The following ZNF208 variants were observed in gnomAD, a reference collection of about 807,000 sequenced individuals.
The protein encoded by ZNF208 is zinc finger protein 208.
A neutral mutation model predicts 12.1 loss-of-function variants in ZNF208; 10 were observed. The observed-to-expected ratio is 0.83, with a 90% CI of 0.51 to 1.40. The LOEUF (loss-of-function observed/expected upper bound fraction) is 1.40, where lower values mean the gene tolerates loss of function less well. ZNF208 is among the 40% of genes most tolerant of loss of function. The probability of loss-of-function intolerance (pLI) is 0.00; values close to 1 mark genes in which losing one functional copy is unlikely to be tolerated. For missense variants in ZNF208, 1,652 were observed against 1,485.0 expected (o/e 1.11, Z -1.85); for synonymous variants, 497 against 488.4 (o/e 1.02, Z -0.23).
rs779505179 is a variant in ZNF208 at position 21,970,755 on chromosome 19, C to T, written c.*436G>A. 2 of 1,363,750 alleles carry T rather than the reference C, an allele frequency of 1.5e-6. No individual in the cohort carries two copies. The highest frequency in any genetic ancestry group is 2.1e-6 in the Non-Finnish European group (2 of 960,700). 84.5% of individuals were successfully genotyped at this position (1,363,750 alleles called of 1,614,324 possible). ...GGTTGGGAACTGTTTAAAAGCTTTG[C>T]CAAATTCTTCACATTTTTAGAATTT... On this transcript the variant is annotated 3_prime_UTR_variant, in exon 4 of 4. Transcript: ENST00000397126.
Position 21,974,409 on chromosome 19 carries a change from C to T in ZNF208, c.625G>A (p.Ala209Thr). The stretch of plus-strand genomic sequence containing the variant: ...GTAAGGGTTGAGGACCAGTTAAAAG[C>T]TTTGCCACCTTCTTCACATTTGTAG... ...NSYKCEEGGK[A>T]FNWSSTLTYY... The change falls in exon 4 of 4, where the codon GCT (alanine) becomes ACT (threonine). Residue 209 changes from alanine to threonine, a missense_variant. Physicochemically the swap from Ala to Thr is moderately conservative, Grantham distance 58. Around this residue, in one of 3 missense-constraint regions of ZNF208, gnomAD observed 410 missense variants for 378.2 expected, o/e 1.08. Coordinates refer to ENST00000397126, the MANE Select transcript of ZNF208 (RefSeq NM_007153.3). 1 of 1,613,836 alleles carries T rather than the reference C, an allele frequency of 6.2e-7. No individual in the cohort carries two copies. Among genetic ancestry groups the T allele is most frequent in the Non-Finnish European group, 8.5e-7 (1 of 1,179,822 alleles).
chr19:21,987,194 G>A, intron 3 of ZNF208, 22 bp downstream of exon 3: 2 of 1,603,194 alleles, frequency 1.2e-6, no homozygotes, highest in South Asian at 2.3e-5. Context: ...CATCCATGTT[G>A]TCTGTATTCA....
intron 1 of ZNF208, among the ~76,000 whole-genome samples, chr19:22,001,892 CAAAAAAAAAAAAAAAAAAAAA>C (rs58939967): frequency 1.3e-5 from 1 of 74,106 alleles, no homozygotes; most frequent in African/African-American, 4.7e-5. Context: ...GACTCCATCC[CAAAAAAAAAAAAAAAAAAAAA>C]AAAAAAAAGA....
chr19:21,989,789 A>T (rs906165555), intron 1 of ZNF208, among the ~76,000 whole-genome samples: 1 of 152,092 alleles, frequency 6.6e-6, no homozygotes, highest in African/African-American at 2.4e-5. Context: ...CTGGTGTGAG[A>T]TGGTATCTCA....
intron 4 of ZNF208, among the ~76,000 whole-genome samples, chr19:21,950,296 G>A (rs1317510701): frequency 6.6e-6 from 1 of 151,912 alleles, no homozygotes; most frequent in Non-Finnish European, 1.5e-5. Flanking sequence ...AGCATAGAAG[G>A]CCCTAAAATA....
chr19:21,946,869 G>C (rs1285714175), intron 4 of ZNF208, among the ~76,000 whole-genome samples: 1 of 152,088 alleles, frequency 6.6e-6, no homozygotes, highest in Non-Finnish European at 1.5e-5. Flanking sequence ...CTATACCTCA[G>C]TGTTACCTAA....
In ZNF208 at chr19:21,969,944, C is replaced by T. The variant is rs1028559484; in HGVS notation, c.*1247G>A. Among the ~76,000 whole-genome samples the T allele has an allele frequency of 6.6e-6, 1 of 152,078 alleles. No homozygotes were observed. The highest frequency in any genetic ancestry group is 2.4e-5 in the African/African-American group (1 of 41,410). On this transcript the variant is annotated 3_prime_UTR_variant, in exon 4 of 4. Coordinates refer to ENST00000397126, the MANE Select transcript of ZNF208 (RefSeq NM_007153.3). ...TTCCAGACAGTCTCTCTCTGTTGCC[C>T]AGGCTAGTGTAAATGCTTTCCTTTG...
chr19:21,976,583 A>G (rs1970434301), intron 3 of ZNF208, among the ~76,000 whole-genome samples: 1 of 152,194 alleles, frequency 6.6e-6, no homozygotes, highest in South Asian at 2.1e-4. Flanking sequence ...CTTTTGAGAC[A>G]AAGTTTTACT....
At chr19:21,950,304 A>T (rs1385204260) in intron 4 of ZNF208, among the ~76,000 whole-genome samples, 3 of 152,136 alleles carry the variant, frequency 2.0e-5, no homozygotes, top group Non-Finnish European at 4.4e-5. Context: ...AGGCCCTAAA[A>T]TAACCTCTGG....
At position 21,969,284 on chromosome 19, in the gene ZNF208, A is replaced by C. The variant is rs998828888; in HGVS notation, c.*1907T>G. Among the ~76,000 whole-genome samples, 1 of 152,152 alleles carries C rather than the reference A, an allele frequency of 6.6e-6. No individual in the cohort carries two copies. The highest frequency in any genetic ancestry group is 1.5e-5 in the Non-Finnish European group (1 of 68,012). On this transcript the variant is annotated 3_prime_UTR_variant, in exon 4 of 4. Coordinates refer to ENST00000397126, the MANE Select transcript of ZNF208 (RefSeq NM_007153.3). ...AGTAAGCCAATGTGTCTGGAAAAAA[A>C]AAAAATCTGTGTTTTGAAGAAAAAA...
chr19:21,952,364 C>A (rs533934022), intron 4 of ZNF208, among the ~76,000 whole-genome samples: 1 of 152,358 alleles, frequency 6.6e-6, no homozygotes, highest in African/African-American at 2.4e-5. Flanking sequence ...ATCCCTGACC[C>A]CCATGTAGCC....
chr19:22,001,884 C>G (rs148680320), intron 1 of ZNF208, among the ~76,000 whole-genome samples: 2,360 of 50,522 alleles, frequency 0.047, 93 homozygotes, highest in African/African-American at 0.13. Context: ...CACAGTGAGA[C>G]TCCATCCCAA....
chr19:21,993,746 AAAACAC>A (rs147493093), intron 1 of ZNF208, among the ~76,000 whole-genome samples: 22,043 of 152,130 alleles, frequency 0.14, 1,727 homozygotes, highest in Admixed American at 0.22. Context: ...CACTCTTGTC[AAAACAC>A]AAATACTTCT....
chr19:21,970,634 T>C lies in ZNF208; in HGVS notation c.*557A>G. ...GGCTTCTCACCAGTATGAATTCTCT[T>C]ATGTTCCATAAGGTTTGAGGACTGG... On this transcript the variant is annotated 3_prime_UTR_variant, in exon 4 of 4. Coordinates refer to ENST00000397126, the MANE Select transcript of ZNF208 (RefSeq NM_007153.3). The C allele has an allele frequency of 1.0e-6, 1 of 988,968 alleles. No homozygotes were observed. The highest frequency in any genetic ancestry group is 1.6e-6 in the Non-Finnish European group (1 of 634,674). The allele number at this position is 988,968 out of a possible 1,614,324, so 61.3% of individuals were successfully genotyped here.
intron 1 of ZNF208, among the ~76,000 whole-genome samples, chr19:22,003,974 G>T (rs1971000578): frequency 6.6e-6 from 1 of 151,850 alleles, no homozygotes; most frequent in African/African-American, 2.4e-5. Context: ...TTTGAGACAG[G>T]CATGGACAAC....
At chr19:21,960,943 TATG>T (rs1458083896) in intron 4 of ZNF208, among the ~76,000 whole-genome samples, 1 of 152,110 alleles carries the variant, frequency 6.6e-6, no homozygotes, top group Non-Finnish European at 1.5e-5. Flanking sequence ...TGAAGACCTT[TATG>T]ATGATCTACT....
In ZNF208 at chr19:21,987,218, G is replaced by A. The variant is rs1970642274; in HGVS notation, c.224C>T (p.Pro75Leu). The change falls in exon 3 of 4, where the codon CCA becomes CTA. Residue 75 changes from proline (P) to leucine (L), a missense_variant and splice_region_variant. By Grantham distance (98) the Pro-to-Leu change is moderately conservative (BLOSUM62 -3). Coordinates refer to ENST00000397126, the MANE Select transcript of ZNF208 (RefSeq NM_007153.3). ...MKRHEMVEES[P>L]VICSHFAQDL... ...TGTCTGTATTCACTCTCACCTACCT[G>A]GGGATTCTTCCACCATCTCATGTCT... The A allele has an allele frequency of 6.2e-7, 1 of 1,609,266 alleles. No homozygotes were observed. Among genetic ancestry groups the A allele is most frequent in the Middle Eastern group, 1.7e-4 (1 of 6,054 alleles).
rs1240832019 is a variant in ZNF208, at chr19:21,966,275, A to T, written c.*4916T>A. On this transcript the variant is annotated 3_prime_UTR_variant, in exon 4 of 4. Transcript: ENST00000397126. ...TCTCCCATCCTTCCTCCTTCTTTTTAGAATTCTCAGTGTTTATTGTTTTCA... is the reference window on the plus strand; with the variant it reads ...TCTCCCATCCTTCCTCCTTCTTTTTTGAATTCTCAGTGTTTATTGTTTTCA... 1 of 151,962 alleles carries T rather than the reference A, an allele frequency of 6.6e-6. No homozygotes were observed. Among genetic ancestry groups the T allele is most frequent in the Non-Finnish European group, 1.5e-5 (1 of 67,954 alleles). 9.4% of individuals were successfully genotyped at this position (151,962 alleles called of 1,614,324 possible). A position where few individuals can be genotyped will look rare whatever the true frequency, so the allele number is the denominator to read the frequency against.
intron 4 of ZNF208, among the ~76,000 whole-genome samples, chr19:21,959,654 A>G (rs1244403637): frequency 6.6e-6 from 1 of 152,206 alleles, no homozygotes; most frequent in Non-Finnish European, 1.5e-5. Flanking sequence ...ACATGGAAAA[A>G]TATTTGTCAA....
Sources: allele counts gnomAD v4.1 joint callset (sites outside exome capture counted in the v4.1 genomes callset), GRCh38; gene constraint gnomAD v4.1.1; regional missense constraint gnomAD v4.1.1; transcripts MANE v1.5; gene names NCBI Gene and HGNC (gene_info 2026-07-23, HGNC 2026-07-21).